SCARB1: variants seen among roughly 807,000 people sequenced by gnomAD.
The protein encoded by SCARB1 is scavenger receptor class B member 1.
A neutral mutation model predicts 57.2 loss-of-function variants in SCARB1; 30 were observed. The ratio of observed to expected loss-of-function variants is 0.52; its 90% CI spans 0.39 to 0.71. The LOEUF (loss-of-function observed/expected upper bound fraction) is 0.71. SCARB1 is among the 30% of genes least tolerant of loss of function. The pLI is 0.00. For synonymous variants in SCARB1, 249 were observed against 268.3 expected, an observed-to-expected ratio of 0.93 and a Z score of 0.70; for missense variants, 543 against 671.2, an observed-to-expected ratio of 0.81 and a Z score of 2.11.
rs141448456 is a variant in SCARB1 at position 124,831,700 on chromosome 12, G to A, written c.127-13993C>T. On this transcript the variant is annotated intron_variant, in intron 1 of 12. Coordinates refer to ENST00000261693, the MANE Select transcript of SCARB1 (RefSeq NM_005505.5). ...GCCCATCCTCCACCTACCAGCAGGC[G>A]CCTGATACAACTTCCTGTGCCTGTT... Among the ~76,000 whole-genome samples, 135 of 152,274 alleles carry A rather than the reference G, an allele frequency of 8.9e-4. 1 individual carries two copies. The highest frequency in any genetic ancestry group is 3.1e-3 in the African/African-American group (130 of 41,548).
Position 124,814,196 on chromosome 12 carries a change from A to G in SCARB1, c.630+6T>C. ...AATCTTTGGCTTCTCACCAGGCCAC[A>G]CGTACCTCAGCAAATAATCCGAACT... On this transcript the variant is annotated splice_donor_region_variant and intron_variant, in intron 4 of 12. Transcript: ENST00000261693. The surrounding 1 kb of genome is among the most constrained non-coding windows in gnomAD (Gnocchi z 4.7). The G allele has an allele frequency of 6.2e-7, 1 of 1,612,594 alleles. No homozygotes were observed. Among genetic ancestry groups the G allele is most frequent in the Non-Finnish European group, 8.5e-7 (1 of 1,178,598 alleles).
chr12:124,780,060 C>T lies in SCARB1; in HGVS notation c.*1-1474G>A, dbSNP rs147346057. On this transcript the variant is annotated intron_variant, in intron 12 of 12. Transcript: ENST00000261693. ...CCCCTTGTCTTTCCCAAGGAAGACACGTGGAACAAAACCCGCAGGTGCCAG... is the reference window on the plus strand; with the variant it reads ...CCCCTTGTCTTTCCCAAGGAAGACATGTGGAACAAAACCCGCAGGTGCCAG... 5.2e-3 allele frequency among the ~76,000 whole-genome samples: 796 copies of T among 152,332 alleles called. 5 individuals carry two copies. Among genetic ancestry groups the T allele is most frequent in the Middle Eastern group, 0.02 (6 of 294 alleles).
rs1007261308 is a variant in SCARB1, at chr12:124,863,532, C to G, written c.126+63G>C. 18 of 1,553,684 alleles carry G rather than the reference C, an allele frequency of 1.2e-5. No individual in the cohort carries two copies. The South Asian group carries it at 2.0e-4, about 17-fold the overall frequency. ...CACCCACCGCAACGCGCGGGTCCTC[C>G]CGGCGCCCAGCGCCCAACAGCCCGG... On this transcript the variant is annotated intron_variant, in intron 1 of 12. Coordinates refer to ENST00000261693, the MANE Select transcript of SCARB1 (RefSeq NM_005505.5).
At chr12:124,837,291 A>G (rs1951686783) in intron 1 of SCARB1, among the ~76,000 whole-genome samples, 1 of 152,140 alleles carries the variant, frequency 6.6e-6, no homozygotes, top group Non-Finnish European at 1.5e-5. Context: ...AAGCAAAAAC[A>G]TTATTCTTCT....
At chr12:124,828,413 C>T (rs891955178) in intron 1 of SCARB1, among the ~76,000 whole-genome samples, 3 of 152,068 alleles carry the variant, frequency 2.0e-5, no homozygotes, top group Non-Finnish European at 4.4e-5. Flanking sequence ...TACAATCATC[C>T]GCCCCATGCT....
chr12:124,838,788 T>C (rs111765582), intron 1 of SCARB1, among the ~76,000 whole-genome samples: 6,016 of 149,020 alleles, frequency 0.04, 424 homozygotes, highest in African/African-American at 0.14. Context: ...TTTTTTTTTT[T>C]TTTTTGAGAT....
chr12:124,862,971 T>C (rs944519176), intron 1 of SCARB1, among the ~76,000 whole-genome samples: 1 of 152,208 alleles, frequency 6.6e-6, no homozygotes, highest in Admixed American at 6.5e-5. Flanking sequence ...AAGCGGCTTA[T>C]AGTTTCCAGA....
intron 1 of SCARB1, among the ~76,000 whole-genome samples, chr12:124,828,023 A>G (rs1482698901): frequency 5.3e-5 from 8 of 152,162 alleles, no homozygotes; most frequent in Non-Finnish European, 1.2e-4. Context: ...GTGAATGAGC[A>G]AAAGTGAGAC....
chr12:124,833,064 A>AC (rs1440820465), intron 1 of SCARB1, among the ~76,000 whole-genome samples: 9 of 149,640 alleles, frequency 6.0e-5, no homozygotes, highest in Admixed American at 6.0e-4. Context: ...TCCCCTTATC[A>AC]CTCCAACCCC....
chr12:124,839,358 G>A (rs1179538757), intron 1 of SCARB1: 2 of 439,956 alleles, frequency 4.5e-6, no homozygotes, highest in East Asian at 7.1e-5. Flanking sequence ...CTCAAGGCCC[G>A]TGCATGTCGC....
intron 6 of SCARB1, among the ~76,000 whole-genome samples, chr12:124,808,407 T>C (rs931012688): frequency 6.6e-6 from 1 of 152,214 alleles, no homozygotes; most frequent in African/African-American, 2.4e-5. Context: ...TCATTGACCT[T>C]ATCTAGCCCC....
intron 4 of SCARB1, among the ~76,000 whole-genome samples, chr12:124,813,985 C>A (rs957419971): frequency 6.6e-6 from 1 of 152,212 alleles, no homozygotes; most frequent in African/African-American, 2.4e-5. Context: ...CTGGATCAAG[C>A]TGTACCTGAA....
intron 1 of SCARB1, among the ~76,000 whole-genome samples, chr12:124,838,311 C>T (rs946715736): frequency 6.6e-6 from 1 of 152,232 alleles, no homozygotes; most frequent in South Asian, 2.1e-4. Context: ...ACCCCGGTCC[C>T]CTGATATGCC....
At chr12:124,855,670 A>G (rs1047433028) in intron 1 of SCARB1, among the ~76,000 whole-genome samples, 3 of 152,170 alleles carry the variant, frequency 2.0e-5, no homozygotes, top group Non-Finnish European at 4.4e-5. Flanking sequence ...CGGAGCTGCC[A>G]GCGCCTCCTG....
chr12:124,836,262 C>T (rs562041944), intron 1 of SCARB1, among the ~76,000 whole-genome samples: 38 of 152,300 alleles, frequency 2.5e-4, no homozygotes, highest in Middle Eastern at 3.4e-3. Context: ...AGAGGTCTCG[C>T]GCATGTGTCA....
At position 124,810,081 on chromosome 12, in the gene SCARB1, A is replaced by G; in HGVS notation, c.842+93T>C. The G allele has an allele frequency of 1.3e-6, 1 of 797,286 alleles. No individual in the cohort carries two copies. The highest frequency in any genetic ancestry group is 1.9e-5 in the Admixed American group (1 of 51,302). 49.4% of individuals were successfully genotyped at this position (797,286 alleles called of 1,614,324 possible). Reference sequence around the variant, plus strand: ...GGGCTACTGAGTCAAATCCACGATGAGTCAAAATGCTTTCCAAGTGCACAG... The same window carrying G: ...GGGCTACTGAGTCAAATCCACGATGGGTCAAAATGCTTTCCAAGTGCACAG... On this transcript the variant is annotated intron_variant, in intron 6 of 12. Coordinates refer to ENST00000261693, the MANE Select transcript of SCARB1 (RefSeq NM_005505.5). The surrounding 1 kb of genome is among the most constrained non-coding windows in gnomAD (Gnocchi z 4.0).
rs540312310 is a variant in SCARB1 at position 124,827,218 on chromosome 12, A to G, written c.127-9511T>C. On this transcript the variant is annotated intron_variant, in intron 1 of 12. Transcript: ENST00000261693. ...GCGTCTTAAGAGCCGAGCTCCCCGA[A>G]AAAGAAATTCCTAGCCCTTTTAAGG... 5.9e-5 allele frequency among the ~76,000 whole-genome samples: 9 copies of G among 152,332 alleles called. No homozygotes were observed. In the East Asian group the frequency reaches 1.2e-3, roughly 20 times the overall value.
At chr12:124,795,387 C>T (rs1949907992) in intron 8 of SCARB1, 119 bp from the exon 9 acceptor site, 2 of 775,254 alleles carry the variant, frequency 2.6e-6, no homozygotes, top group East Asian at 2.6e-5. Flanking sequence ...CCCAGTGGAG[C>T]TTGCTTGTAT....
intron 1 of SCARB1, among the ~76,000 whole-genome samples, chr12:124,824,015 T>A (rs35234576): frequency 0.37 from 52,928 of 141,528 alleles, 9,978 homozygotes; most frequent in Non-Finnish European, 0.43. Flanking sequence ...AAAAAAAATA[T>A]ATACAAAAAT....
Sources: allele counts gnomAD v4.1 joint callset (sites outside exome capture counted in the v4.1 genomes callset), GRCh38; gene constraint gnomAD v4.1.1; non-coding constraint Gnocchi (gnomAD v3.1); transcripts MANE v1.5; gene names NCBI Gene and HGNC (gene_info 2026-07-23, HGNC 2026-07-21).